Variants in PTDSS1 observed in about 807,000 individuals in gnomAD.
PTDSS1 encodes phosphatidylserine synthase 1.
A neutral mutation model predicts 70.5 loss-of-function variants in PTDSS1; 45 were observed. The observed-to-expected ratio is 0.64, with a 90% CI of 0.50 to 0.82. The LOEUF (loss-of-function observed/expected upper bound fraction) is 0.82. Among genes scored for constraint, PTDSS1 ranks in the 40% least tolerant of loss-of-function variants. The probability of loss-of-function intolerance (pLI) is 0.00; values close to 1 mark genes in which losing one functional copy is unlikely to be tolerated. For missense variants in PTDSS1, 417 were observed against 586.1 expected (o/e 0.71, Z 2.98); for synonymous variants, 188 against 203.8 (o/e 0.92, Z 0.66).
intron 1 of PTDSS1, among the ~76,000 whole-genome samples, chr8:96,267,736 T>G (rs1431511004): frequency 6.6e-6 from 1 of 152,116 alleles, no homozygotes; most frequent in African/African-American, 2.4e-5. Context: ...CCAGCGTCCT[T>G]TGTAATGGAG....
intron 1 of PTDSS1, among the ~76,000 whole-genome samples, chr8:96,268,876 C>T (rs551299634): frequency 1.3e-5 from 2 of 152,212 alleles, no homozygotes; most frequent in South Asian, 4.1e-4. Context: ...GGCTGAGACT[C>T]CCCCCTCACG....
intron 9 of PTDSS1, among the ~76,000 whole-genome samples, chr8:96,319,237 T>G (rs1586207668): frequency 6.6e-6 from 1 of 152,176 alleles, no homozygotes; most frequent in East Asian, 1.9e-4. Flanking sequence ...TTAGAAAACA[T>G]CTGTGTGAGT....
rs200813044 is a variant in PTDSS1 at position 96,302,296 on chromosome 8, T to G, written c.753-1744T>G. Among the ~76,000 whole-genome samples the G allele has an allele frequency of 2.7e-4, 41 of 152,254 alleles. No individual in the cohort carries two copies. In the East Asian group the frequency reaches 6.2e-3, roughly 23 times the overall value. On this transcript the variant is annotated intron_variant, in intron 6 of 12. Coordinates refer to ENST00000517309, the MANE Select transcript of PTDSS1 (RefSeq NM_014754.3). ...ATCTGCCTTACTCGGCCTCCCAAAG[T>G]GCTGGGATTACAGGTATGAGCCACC...
intron 2 of PTDSS1, among the ~76,000 whole-genome samples, chr8:96,278,365 G>A (rs1389106733): frequency 6.6e-6 from 1 of 152,210 alleles, no homozygotes. Context: ...CTATATGGCA[G>A]AGGAGTGGAC....
At chr8:96,311,940 G>C (rs2319602) in intron 9 of PTDSS1, among the ~76,000 whole-genome samples, 140,442 of 152,280 alleles carry the variant, frequency 0.92, 64,968 homozygotes, top group Non-Finnish European at 0.94. Context: ...GAGCTCTTCT[G>C]TCCCACTCAC....
chr8:96,312,141 C>G (rs1471895192), intron 9 of PTDSS1, among the ~76,000 whole-genome samples: 1 of 152,156 alleles, frequency 6.6e-6, no homozygotes, highest in East Asian at 1.9e-4. Context: ...AAACACCATC[C>G]CCACGGTGGG....
chr8:96,330,077 C>A, intron 10 of PTDSS1, 136 bp from the exon 11 acceptor site: 2 of 773,130 alleles, frequency 2.6e-6, no homozygotes, highest in Non-Finnish European at 4.4e-6. Context: ...CTGATCTCTG[C>A]CACGTCCAGC....
At chr8:96,278,833 A>T (rs1202439082) in intron 2 of PTDSS1, among the ~76,000 whole-genome samples, 1 of 148,752 alleles carries the variant, frequency 6.7e-6, no homozygotes, top group East Asian at 1.9e-4. Context: ...CCTTATCTGT[A>T]CTTCAAGTGC....
At position 96,261,931 on chromosome 8, in the gene PTDSS1, A is replaced by G. The variant is rs1016788760; in HGVS notation, c.-110A>G. Reference sequence around the variant, plus strand: ...CTGCTCCCAGCCTTTGCTGGGCGCCAGACCCGGCTTTGCCGTCCGGCTATT... The same window carrying G: ...CTGCTCCCAGCCTTTGCTGGGCGCCGGACCCGGCTTTGCCGTCCGGCTATT... On this transcript the variant is annotated 5_prime_UTR_variant, in exon 1 of 13. Coordinates refer to ENST00000517309, the MANE Select transcript of PTDSS1 (RefSeq NM_014754.3). 1.7e-6 allele frequency: 2 copies of G among 1,194,898 alleles called. No homozygotes were observed. Among genetic ancestry groups the G allele is most frequent in the Admixed American group, 2.5e-5 (1 of 40,208 alleles). The allele number at this position is 1,194,898 out of a possible 1,614,324, so 74.0% of individuals were successfully genotyped here.
chr8:96,293,636 C>G (rs1810936736), intron 4 of PTDSS1, among the ~76,000 whole-genome samples: 1 of 152,258 alleles, frequency 6.6e-6, no homozygotes, highest in Admixed American at 6.5e-5. Flanking sequence ...ACTAACTATA[C>G]TGCAAATAGA....
chr8:96,293,713 T>C (rs577661245), intron 4 of PTDSS1, among the ~76,000 whole-genome samples: 1 of 152,318 alleles, frequency 6.6e-6, no homozygotes, highest in South Asian at 2.1e-4. Context: ...CTTAATAGAG[T>C]GTAAAGTCCT....
At position 96,262,103 on chromosome 8, in the gene PTDSS1, C is replaced by T. The variant is rs775018156; in HGVS notation, c.63C>T (p.Phe21=). The T allele has an allele frequency of 1.2e-6, 2 of 1,613,932 alleles. No individual in the cohort carries two copies. Among genetic ancestry groups the T allele is most frequent in the East Asian group, 2.2e-5 (1 of 44,854 alleles). ...SKDDVNYKMH[F]RMINEQQVED... ...ATGATGTGAACTACAAAATGCATTT[C>T]CGGATGATCAACGAGCAGCAAGTGG... The change falls in exon 1 of 13, where the codon TTC becomes TTT. Residue 21 remains phenylalanine, a synonymous_variant. Transcript: ENST00000517309. The surrounding 1 kb of genome is among the most constrained non-coding windows in gnomAD (Gnocchi z 4.4).
At chr8:96,323,703 G>A (rs1811402696) in intron 10 of PTDSS1, among the ~76,000 whole-genome samples, 1 of 152,218 alleles carries the variant, frequency 6.6e-6, no homozygotes, top group South Asian at 2.1e-4. Flanking sequence ...CAGCCTTGAA[G>A]ATCTCTGAAA....
intron 3 of PTDSS1, among the ~76,000 whole-genome samples, chr8:96,285,035 A>G (rs13270942): frequency 0.51 from 78,087 of 152,014 alleles, 22,430 homozygotes; most frequent in African/African-American, 0.78. Context: ...CTTGGAGACA[A>G]AGGACAGCTA....
intron 7 of PTDSS1, among the ~76,000 whole-genome samples, chr8:96,304,862 T>C (rs1173255742): frequency 6.6e-6 from 1 of 152,242 alleles, no homozygotes; most frequent in Non-Finnish European, 1.5e-5. Context: ...AGAGGATCTT[T>C]CAGAGTCATC....
intron 9 of PTDSS1, among the ~76,000 whole-genome samples, chr8:96,319,482 G>C (rs945049692): frequency 7.2e-6 from 1 of 139,776 alleles, no homozygotes; most frequent in African/African-American, 2.5e-5. Context: ...GGAAATAAGT[G>C]TGTGGCGTTT....
intron 6 of PTDSS1, among the ~76,000 whole-genome samples, chr8:96,301,507 T>G (rs1448541824): frequency 6.6e-6 from 1 of 152,082 alleles, no homozygotes; most frequent in Non-Finnish European, 1.5e-5. Flanking sequence ...AGTTCTTTTG[T>G]TTTTTTGTTT....
At chr8:96,275,262 C>A (rs943763226) in intron 2 of PTDSS1, among the ~76,000 whole-genome samples, 3 of 152,162 alleles carry the variant, frequency 2.0e-5, no homozygotes, top group Non-Finnish European at 1.5e-5. Flanking sequence ...CTCAGGCAAT[C>A]CTTCCGCCTC....
rs1810957971 is a variant in PTDSS1 at position 96,295,206 on chromosome 8, C to G, written c.550C>G (p.Arg184Gly). The change falls in exon 5 of 13, where the codon CGT becomes GGT. Residue 184 changes from arginine to glycine, a missense_variant. Arg to Gly is a moderately radical substitution (Grantham distance 125). Around this residue, in one of 3 missense-constraint regions of PTDSS1, gnomAD observed 272 missense variants for 429.5 expected, o/e 0.63. Transcript: ENST00000517309. ...WGWAMKALLI[R>G]SYGLCWTISI... is the part of the protein sequence containing the mutation. ...CTGGGCCATGAAGGCCTTGCTGATC[C>G]GTAGTTACGGTCTCTGCTGGACAAT... is the stretch of plus-strand genomic sequence containing the variant. The G allele has an allele frequency of 1.2e-6, 2 of 1,614,024 alleles. No homozygotes were observed. Among genetic ancestry groups the G allele is most frequent in the South Asian group, 2.2e-5 (2 of 91,078 alleles).
Sources: allele counts gnomAD v4.1 joint callset (sites outside exome capture counted in the v4.1 genomes callset), GRCh38; gene constraint gnomAD v4.1.1; regional missense constraint gnomAD v4.1.1; non-coding constraint Gnocchi (gnomAD v3.1); transcripts MANE v1.5; gene names NCBI Gene and HGNC (gene_info 2026-07-23, HGNC 2026-07-21).